The following NUCB2 variants were observed in gnomAD, a reference collection of about 807,000 sequenced individuals.
NUCB2 encodes the protein nucleobindin 2, also known as nucleobindin-2.
NUCB2 carries 48 observed loss-of-function variants against 57.9 expected under a neutral mutation model. That is an observed-to-expected ratio of 0.83 (90% confidence interval 0.66 to 1.05). The LOEUF is 1.05. NUCB2 is among the 50% of genes least tolerant of loss of function. NUCB2 has a pLI of 0.00. For synonymous variants in NUCB2, 139 were observed against 152.1 expected, an observed-to-expected ratio of 0.91 and a Z score of 0.64; for missense variants, 442 against 476.2, an observed-to-expected ratio of 0.93 and a Z score of 0.67.
intron 4 of NUCB2, among the ~76,000 whole-genome samples, chr11:17,298,265 T>TA (rs916236661): frequency 2.0e-4 from 29 of 148,678 alleles, no homozygotes; most frequent in South Asian, 6.4e-4. Context: ...TCCTTCAAAT[T>TA]AAAAAAAAAA....
chr11:17,288,952 TATATATATATA>T (rs1466129786), intron 2 of NUCB2, among the ~76,000 whole-genome samples: 3 of 33,718 alleles, frequency 8.9e-5, no homozygotes, highest in African/African-American at 5.4e-4. Context: ...CACACACACA[TATATATATATA>T]TTTTTTTTTT....
At chr11:17,300,899 G>A (rs1946594571) in intron 4 of NUCB2, among the ~76,000 whole-genome samples, 1 of 148,824 alleles carries the variant, frequency 6.7e-6, no homozygotes, top group Non-Finnish European at 1.5e-5. Flanking sequence ...TTTCTGCTTT[G>A]TGCTTTAATG....
intron 2 of NUCB2, among the ~76,000 whole-genome samples, chr11:17,348,947 G>A (rs934378802): frequency 6.6e-6 from 1 of 151,894 alleles, no homozygotes; most frequent in Non-Finnish European, 1.5e-5. Flanking sequence ...ACCTGGCTAA[G>A]TTTTGTATTT....
At position 17,282,799 on chromosome 11, in the gene NUCB2, G is replaced by C. The variant is rs1053676145; in HGVS notation, c.-145G>C. The C allele has an allele frequency of 6.6e-6, 1 of 151,502 alleles. No individual in the cohort carries two copies. The highest frequency in any genetic ancestry group is 1.5e-5 in the Non-Finnish European group (1 of 67,944). 9.4% of individuals were successfully genotyped at this position (151,502 alleles called of 1,614,324 possible). A position where few individuals can be genotyped will look rare whatever the true frequency, so the allele number is the denominator to read the frequency against. On this transcript the variant is annotated 5_prime_UTR_variant, in exon 2 of 14. Transcript: ENST00000529010. ...TTTTTTTACATTTAGAACGTGTTAC[G>C]AGTCAGTTTTTAGTGAAAAAACATT...
chr11:17,278,170 C>CTTTTT (rs35441492), intron 1 of NUCB2, among the ~76,000 whole-genome samples: 70 of 85,124 alleles, frequency 8.2e-4, no homozygotes, highest in Non-Finnish European at 1.0e-3. Context: ...TTTTACCCAT[C>CTTTTT]TTTTTTTTTT....
At chr11:17,340,917 T>C (rs953010557) in intron 2 of NUCB2, among the ~76,000 whole-genome samples, 1 of 152,236 alleles carries the variant, frequency 6.6e-6, no homozygotes, top group African/African-American at 2.4e-5. Flanking sequence ...TTGGGCAGTA[T>C]GGCCATTTTC....
intron 4 of NUCB2, among the ~76,000 whole-genome samples, chr11:17,297,217 A>G (rs1945960075): frequency 6.6e-6 from 1 of 152,202 alleles, no homozygotes; most frequent in Non-Finnish European, 1.5e-5. Flanking sequence ...TTATTTATTT[A>G]AGTTTTACTT....
intron 11 of NUCB2, among the ~76,000 whole-genome samples, chr11:17,328,596 G>A (rs1480179224): frequency 1.3e-5 from 2 of 152,084 alleles, no homozygotes; most frequent in Non-Finnish European, 2.9e-5. Flanking sequence ...ACCATCTCTG[G>A]TCCACATGGG....
chr11:17,326,296 G>A (rs1175449744), intron 11 of NUCB2, among the ~76,000 whole-genome samples: 1 of 144,498 alleles, frequency 6.9e-6, no homozygotes, highest in Non-Finnish European at 1.5e-5. Context: ...CTCTGTGCCT[G>A]GCCTCATTGT....
rs112994886 is a variant in NUCB2, at chr11:17,307,767, G to C, written c.380-1805G>C. Among the ~76,000 whole-genome samples, 62 of 151,912 alleles carry C rather than the reference G, an allele frequency of 4.1e-4. 1 individual carries two copies. The highest frequency in any genetic ancestry group is 1.5e-3 in the African/African-American group (61 of 41,430). On this transcript the variant is annotated intron_variant, in intron 5 of 13. Coordinates refer to ENST00000529010, the MANE Select transcript of NUCB2 (RefSeq NM_005013.4). ...GTGTATCCCTGTAAGATTATCTTTA[G>C]GATAATTTCCCCACAGTGGAATTGC...
At chr11:17,329,581 A>G (rs533961164) in intron 11 of NUCB2, among the ~76,000 whole-genome samples, 1 of 152,320 alleles carries the variant, frequency 6.6e-6, no homozygotes, top group South Asian at 2.1e-4. Flanking sequence ...ACTGAGTTCA[A>G]TGTAAAGTCC....
At chr11:17,340,482 G>T (rs1474948287) in intron 2 of NUCB2, among the ~76,000 whole-genome samples, 1 of 152,028 alleles carries the variant, frequency 6.6e-6, no homozygotes, top group Admixed American at 6.5e-5. Flanking sequence ...TATGGTTTTA[G>T]GTCTAACATT....
intron 11 of NUCB2, among the ~76,000 whole-genome samples, chr11:17,325,527 A>G (rs1950561698): frequency 1.3e-5 from 2 of 152,200 alleles, no homozygotes; most frequent in Non-Finnish European, 2.9e-5. Flanking sequence ...TTGGCAGGGA[A>G]TATCTTTTTC....
At chr11:17,304,527 G>A (rs921769182) in intron 5 of NUCB2, among the ~76,000 whole-genome samples, 2 of 152,050 alleles carry the variant, frequency 1.3e-5, no homozygotes, top group Admixed American at 6.6e-5. Flanking sequence ...AAAAAAATTT[G>A]GAGGTAAAGT....
rs115036427 is a variant in NUCB2 at position 17,321,176 on chromosome 11, A to G, written c.1002+5701A>G. Among the ~76,000 whole-genome samples the G allele has an allele frequency of 8.6e-3, 1,304 of 151,638 alleles. 18 individuals are homozygous for G. Among genetic ancestry groups the G allele is most frequent in the African/African-American group, 0.029 (1,222 of 41,426 alleles). On this transcript the variant is annotated intron_variant, in intron 11 of 13. Transcript: ENST00000529010. ...TTGACTATAGTCCCCCTGTTGTACT[A>G]TGAAATACTGGGTTTTATTCATTCT...
At chr11:17,319,593 T>C (rs764303872) in intron 11 of NUCB2, among the ~76,000 whole-genome samples, 7 of 152,198 alleles carry the variant, frequency 4.6e-5, no homozygotes, top group Non-Finnish European at 7.3e-5. Flanking sequence ...CACACATACA[T>C]GCACACATAC....
chr11:17,319,021 AT>A (rs1386298030), intron 11 of NUCB2, among the ~76,000 whole-genome samples: 1 of 152,000 alleles, frequency 6.6e-6, no homozygotes, highest in Admixed American at 6.6e-5. Flanking sequence ...GAAAAAAAAA[AT>A]TTTTTTAAAA....
chr11:17,329,238 A>G (rs1951077598), intron 11 of NUCB2, among the ~76,000 whole-genome samples: 4 of 152,144 alleles, frequency 2.6e-5, no homozygotes, highest in Admixed American at 2.6e-4. Flanking sequence ...CACAAGCTGC[A>G]CTGCCTGAGG....
intron 2 of NUCB2, among the ~76,000 whole-genome samples, chr11:17,288,246 T>C (rs1204566826): frequency 6.6e-6 from 1 of 152,198 alleles, no homozygotes; most frequent in African/African-American, 2.4e-5. Context: ...AAACATAAGA[T>C]AGAATTGTAA....
Sources: gnomAD v4.1 joint callset for allele counts (sites outside exome capture counted in the v4.1 genomes callset) on GRCh38, gnomAD v4.1.1 for gene constraint, MANE v1.5 for transcripts, NCBI Gene and HGNC (gene_info 2026-07-23, HGNC 2026-07-21) for gene names.